Variants in TMLHE observed in about 807,000 individuals in gnomAD.
TMLHE encodes trimethyllysine dioxygenase, mitochondrial.
In TMLHE, 18 loss-of-function variants were observed where a neutral mutation model predicts 25.7. The ratio of observed to expected loss-of-function variants is 0.70; its 90% CI spans 0.48 to 1.04. TMLHE has a LOEUF of 1.04. Ranked by LOEUF, TMLHE falls within the 50% of genes least tolerant of loss-of-function variation. TMLHE has a pLI of 0.00. For synonymous variants in TMLHE, 105 were observed against 97.0 expected (o/e 1.08, Z -0.49); for missense variants, 236 against 259.0 (o/e 0.91, Z 0.61).
rs782542483 is a variant in TMLHE at position 155,551,854 on chromosome X, T to C, written c.-1-6577A>G. 9.5e-4 allele frequency among the ~76,000 whole-genome samples: 105 copies of C among 110,448 alleles called. 3 individuals carry two copies. The highest frequency in any genetic ancestry group is 3.4e-3 in the African/African-American group (101 of 29,721). ...TATATATGTAGTATTTTTTGGAATG[T>C]TGGATATTGTGGATGGCGTGTTTTA... On this transcript the variant is annotated intron_variant, in intron 1 of 7. Coordinates refer to ENST00000334398, the MANE Select transcript of TMLHE (RefSeq NM_018196.4).
At chrX:155,549,468 T>C (rs1162932683) in intron 1 of TMLHE, among the ~76,000 whole-genome samples, 1 of 110,921 alleles carries the variant, frequency 9.0e-6, no homozygotes, top group Non-Finnish European at 1.9e-5. Context: ...AAATGTACTT[T>C]CTACATCTAT....
At chrX:155,547,336 G>T (rs1001182064) in intron 1 of TMLHE, among the ~76,000 whole-genome samples, 1 of 107,005 alleles carries the variant, frequency 9.3e-6, no homozygotes, top group African/African-American at 3.4e-5. Context: ...AGTAGAGACG[G>T]GGTTTCACCG....
chrX:155,557,301 T>C (rs2067463953), intron 1 of TMLHE, among the ~76,000 whole-genome samples: 1 of 112,032 alleles, frequency 8.9e-6, no homozygotes, highest in African/African-American at 3.2e-5. Flanking sequence ...AAAGTATTAA[T>C]TTGGGGAACT....
rs1406891029 is a variant in TMLHE at position 155,551,203 on chromosome X, T to C, written c.-1-5926A>G. 4.5e-5 allele frequency among the ~76,000 whole-genome samples: 5 copies of C among 110,945 alleles called. 1 individual carries two copies. The highest frequency in any genetic ancestry group is 1.7e-4 in the African/African-American group (5 of 30,029). ...TAACTGCATACAAGTTTCCAGCAGCTCATGTATTTTCTTTTTTTTTATTAT... is the reference window on the plus strand; with the variant it reads ...TAACTGCATACAAGTTTCCAGCAGCCCATGTATTTTCTTTTTTTTTATTAT... On this transcript the variant is annotated intron_variant, in intron 1 of 7. Transcript: ENST00000334398.
At position 155,567,867 on chromosome X, in the gene TMLHE, G is replaced by A. The variant is rs2067516789; in HGVS notation, c.-1-22590C>T. 3.2e-5 allele frequency among the ~76,000 whole-genome samples: 2 copies of A among 61,768 alleles called. 1 individual carries two copies. Among genetic ancestry groups the A allele is most frequent in the African/African-American group, 7.2e-5 (2 of 27,806 alleles). 53.6% of individuals were successfully genotyped at this position (61,768 alleles called of 115,157 possible). A position where few individuals can be genotyped will look rare whatever the true frequency, so the allele number is the denominator to read the frequency against. ...CAGAGGTCAGGCAGCCAAGATGGCCGAATAGGAACAGCTCCAGTCTACAGC... is the reference window on the plus strand; with the variant it reads ...CAGAGGTCAGGCAGCCAAGATGGCCAAATAGGAACAGCTCCAGTCTACAGC... On this transcript the variant is annotated intron_variant, in intron 1 of 7. Transcript: ENST00000334398.
At chrX:155,535,109 G>A (rs1442020322) in intron 2 of TMLHE, among the ~76,000 whole-genome samples, 1 of 111,789 alleles carries the variant, frequency 8.9e-6, no homozygotes, top group Non-Finnish European at 1.9e-5. Flanking sequence ...CTCCAGAACT[G>A]TGAGAAATAA....
chrX:155,579,556 G>A (rs782805249), intron 1 of TMLHE, among the ~76,000 whole-genome samples: 4 of 111,528 alleles, frequency 3.6e-5, no homozygotes, highest in East Asian at 5.6e-4. Context: ...GAGGTTACAC[G>A]TGCAGGTTTG....
intron 1 of TMLHE, among the ~76,000 whole-genome samples, chrX:155,547,991 A>T (rs1358723463): frequency 9.0e-6 from 1 of 111,564 alleles, no homozygotes; most frequent in African/African-American, 3.3e-5. Context: ...CTCACTACTC[A>T]AATGTTACCA....
At position 155,537,805 on chromosome X, in the gene TMLHE, A is replaced by C. The variant is rs959840780; in HGVS notation, c.181+7291T>G. Among the ~76,000 whole-genome samples the C allele has an allele frequency of 1.2e-4, 13 of 111,038 alleles. No individual in the cohort carries two copies. In the Admixed American group the frequency reaches 1.3e-3, roughly 11 times the overall value. The stretch of plus-strand genomic sequence containing the variant: ...TCAAGTTCCTACCTCCTGTGCAGCC[A>C]AGCAGCTGAAAATTGCTGGAGAAAA... On this transcript the variant is annotated intron_variant, in intron 2 of 7. Coordinates refer to ENST00000334398, the MANE Select transcript of TMLHE (RefSeq NM_018196.4).
chrX:155,532,904 GT>G (rs782146156), intron 2 of TMLHE, among the ~76,000 whole-genome samples: 3 of 110,907 alleles, frequency 2.7e-5, no homozygotes, highest in African/African-American at 9.8e-5. Context: ...ATAAAAAATG[GT>G]TTTTACACTT....
chrX:155,548,360 T>C (rs1557339199), intron 1 of TMLHE, among the ~76,000 whole-genome samples: 2 of 112,072 alleles, frequency 1.8e-5, no homozygotes, highest in Non-Finnish European at 3.8e-5. Context: ...GACAAGGGAT[T>C]AATAATCAAG....
chrX:155,561,423 T>C (rs2067495980), intron 1 of TMLHE, among the ~76,000 whole-genome samples: 1 of 60,879 alleles, frequency 1.6e-5, no homozygotes, highest in African/African-American at 3.6e-5. Context: ...GCCCCTCCTC[T>C]AACATTGGGG....
chrX:155,597,979 G>C (rs111810222), intron 1 of TMLHE, among the ~76,000 whole-genome samples: 1 of 111,458 alleles, frequency 9.0e-6, no homozygotes, highest in Non-Finnish European at 1.9e-5. Context: ...GGAGAAAACT[G>C]TGTCCAGATG....
rs984907212 is a variant in TMLHE, at chrX:155,525,621, G to A, written c.182-989C>T. Among the ~76,000 whole-genome samples the A allele has an allele frequency of 2.7e-5, 3 of 112,019 alleles. No individual in the cohort carries two copies. The East Asian group carries it at 8.4e-4, about 31-fold the overall frequency. ...AGGGCTCAGAAGAAGACAGAAAGGC[G>A]AGGGAAATTTAGGAACTTCCTAGAG... On this transcript the variant is annotated intron_variant, in intron 2 of 7. Coordinates refer to ENST00000334398, the MANE Select transcript of TMLHE (RefSeq NM_018196.4).
At chrX:155,594,203 A>C (rs1049839090) in intron 1 of TMLHE, among the ~76,000 whole-genome samples, 1 of 111,915 alleles carries the variant, frequency 8.9e-6, no homozygotes, top group Non-Finnish European at 1.9e-5. Flanking sequence ...TAAGAAACAC[A>C]TCACATACAA....
intron 1 of TMLHE, among the ~76,000 whole-genome samples, chrX:155,608,125 A>G (rs1226925948): frequency 1.8e-5 from 2 of 112,079 alleles, no homozygotes; most frequent in African/African-American, 3.2e-5. Flanking sequence ...AAAAATACAA[A>G]CTTGGAAGCA....
In TMLHE at chrX:155,545,129, T is replaced by C. The variant is rs782276787; in HGVS notation, c.148A>G (p.Thr50Ala). The C allele has an allele frequency of 8.3e-7, 1 of 1,207,735 alleles. No individual in the cohort carries two copies. The highest frequency in any genetic ancestry group is 1.8e-5 in the African/African-American group (1 of 57,120). Residue 50 changes from threonine (T) to alanine (A), a missense_variant, in exon 2 of 8, where the codon ACT becomes GCT. Around this residue, in one of 2 missense-constraint regions of TMLHE, gnomAD observed 217 missense variants for 214.6 expected, o/e 1.01. Coordinates refer to ENST00000334398, the MANE Select transcript of TMLHE (RefSeq NM_018196.4). ...HWHHTASKSLTCAWQQHEDHF... is the reference protein window; with the variant it reads ...HWHHTASKSLACAWQQHEDHF... ...TCTTCATGTTGCTGCCAAGCACAAG[T>C]CAGAGACTTGGAGGCTGTATGGTGC... is the stretch of plus-strand genomic sequence containing the variant.
At chrX:155,611,109 G>A (rs1289030611) in intron 1 of TMLHE, among the ~76,000 whole-genome samples, 2 of 111,623 alleles carry the variant, frequency 1.8e-5, no homozygotes, top group Non-Finnish European at 3.8e-5. Context: ...GGGAAATCAT[G>A]AGGTATTTTC....
intron 1 of TMLHE, among the ~76,000 whole-genome samples, chrX:155,611,019 A>C (rs187618763): frequency 1.9e-4 from 21 of 112,052 alleles, no homozygotes; most frequent in African/African-American, 6.8e-4. Flanking sequence ...GGTCCTGCCA[A>C]ATAGCCAATG....
Sources: allele counts gnomAD v4.1 joint callset (sites outside exome capture counted in the v4.1 genomes callset), GRCh38; gene constraint gnomAD v4.1.1; regional missense constraint gnomAD v4.1.1; transcripts MANE v1.5; gene names NCBI Gene and HGNC (gene_info 2026-07-23, HGNC 2026-07-21).